PCDH7: variants seen among roughly 807,000 people sequenced by gnomAD.
PCDH7 encodes the protein protocadherin-7.
PCDH7 carries 17 observed loss-of-function variants against 58.9 expected under a neutral mutation model. The ratio of observed to expected loss-of-function variants is 0.29; its 90% CI spans 0.20 to 0.43. The LOEUF (loss-of-function observed/expected upper bound fraction) is 0.43. PCDH7 is among the 20% of genes least tolerant of loss of function. The pLI, the probability that PCDH7 is intolerant of heterozygous loss-of-function variation, is 1.00. For missense variants in PCDH7, 1,274 were observed against 1,441.0 expected (o/e 0.88, Z 1.88); for synonymous variants, 664 against 616.4 (o/e 1.08, Z -1.14).
intron 2 of PCDH7, among the ~76,000 whole-genome samples, chr4:30,928,272 T>C (rs1033040423): frequency 2.0e-5 from 3 of 152,194 alleles, no homozygotes; most frequent in African/African-American, 7.2e-5. Flanking sequence ...TGAGAAACCA[T>C]TTTATCTCAA....
At chr4:30,798,267 TAG>T (rs1464396936) in intron 1 of PCDH7, among the ~76,000 whole-genome samples, 1 of 152,162 alleles carries the variant, frequency 6.6e-6, no homozygotes, top group Non-Finnish European at 1.5e-5. Context: ...CTTGATTTGT[TAG>T]AACAATAACT....
chr4:31,105,026 A>G (rs981645513), intron 3 of PCDH7, among the ~76,000 whole-genome samples: 9 of 152,212 alleles, frequency 5.9e-5, no homozygotes, highest in African/African-American at 2.2e-4. Context: ...TGAACTTAAT[A>G]AAATGGAAAA....
rs775318899 is a variant in PCDH7 at position 30,722,311 on chromosome 4, C to T, written c.889C>T (p.Leu297Phe). 41 of 1,608,884 alleles carry T rather than the reference C, an allele frequency of 2.5e-5. No individual in the cohort carries two copies. The highest frequency in any genetic ancestry group is 3.5e-5 in the Non-Finnish European group (41 of 1,178,580). The change falls in exon 1 of 2, where the codon CTC (leucine) becomes TTC (phenylalanine). Residue 297 changes from leucine (L) to phenylalanine (F), a missense_variant. Around this residue, in one of 3 missense-constraint regions of PCDH7, gnomAD observed 331 missense variants for 303.2 expected, o/e 1.09. Transcript: ENST00000361762. This position sits in a 1 kb window ranked among gnomAD's most constrained non-coding sequence, Gnocchi z 7.6. ...CTCCTCGCAGGCCATCCTACGGGTC[C>T]TCATCACCGACGTGAACGACAACAG...
At chr4:30,911,389 T>G (rs1741744584) in intron 1 of PCDH7, among the ~76,000 whole-genome samples, 1 of 143,638 alleles carries the variant, frequency 7.0e-6, no homozygotes, top group African/African-American at 2.5e-5. Context: ...GTTCTATGGC[T>G]GTTTTTACAC....
intron 1 of PCDH7, among the ~76,000 whole-genome samples, chr4:30,771,351 C>A (rs1721372590): frequency 6.6e-6 from 1 of 152,038 alleles, no homozygotes; most frequent in Admixed American, 6.6e-5. Flanking sequence ...AAACATAAGC[C>A]CTTGCATTCT....
intron 1 of PCDH7, among the ~76,000 whole-genome samples, chr4:30,790,318 A>G (rs1723950619): frequency 6.6e-6 from 1 of 152,188 alleles, no homozygotes; most frequent in Admixed American, 6.5e-5. Flanking sequence ...CATCTTGCAG[A>G]TGAGGAAAAT....
downstream of PCDH7, among the ~76,000 whole-genome samples, chr4:30,736,899 C>A (rs1020285281): frequency 6.6e-6 from 1 of 152,156 alleles, no homozygotes; most frequent in Non-Finnish European, 1.5e-5. Context: ...TCTAGGAAGT[C>A]TGTTCTATCG....
At position 31,097,032 on chromosome 4, in the gene PCDH7, T is replaced by C. The variant is rs79840090; in HGVS notation, c.*8-45441T>C. ...ACACAGAGAGAAAAAGAGAGACTTT[T>C]ATATCACTATTATGTAATTTTGTTT... On this transcript the variant is annotated intron_variant, in intron 3 of 3. Transcript: ENST00000509759. 4.8e-3 allele frequency among the ~76,000 whole-genome samples: 738 copies of C among 152,270 alleles called. 29 individuals are homozygous for C. In the East Asian group the frequency reaches 0.088, roughly 18 times the overall value.
intron 1 of PCDH7, among the ~76,000 whole-genome samples, chr4:30,836,739 T>C (rs1338463339): frequency 6.6e-6 from 1 of 152,110 alleles, no homozygotes; most frequent in East Asian, 1.9e-4. Flanking sequence ...AAAATCTCAC[T>C]CTAGCTGGTT....
At chr4:31,125,010 C>G (rs1467818794) in intron 3 of PCDH7, among the ~76,000 whole-genome samples, 1 of 152,186 alleles carries the variant, frequency 6.6e-6, no homozygotes, top group Non-Finnish European at 1.5e-5. Context: ...TCCAAAACCT[C>G]ATAAATGAGT....
chr4:31,088,191 T>A (rs868403997), intron 3 of PCDH7, among the ~76,000 whole-genome samples: 4 of 152,010 alleles, frequency 2.6e-5, no homozygotes, highest in Admixed American at 6.6e-5. Flanking sequence ...CATAATGAGA[T>A]TATTTGTCTC....
At chr4:30,785,433 G>T (rs146133957) in intron 1 of PCDH7, among the ~76,000 whole-genome samples, 2,488 of 152,040 alleles carry the variant, frequency 0.016, 64 homozygotes, top group African/African-American at 0.055. Context: ...CTTTATGTAA[G>T]TAGCCCAAAT....
At chr4:31,063,755 C>A (rs1489067769) in intron 3 of PCDH7, among the ~76,000 whole-genome samples, 2 of 151,830 alleles carry the variant, frequency 1.3e-5, no homozygotes, top group Non-Finnish European at 2.9e-5. Context: ...GTATAATGGT[C>A]TCTAAGATTG....
At chr4:30,981,174 A>G (rs1366364323) in intron 3 of PCDH7, among the ~76,000 whole-genome samples, 1 of 152,210 alleles carries the variant, frequency 6.6e-6, no homozygotes. Flanking sequence ...AACGTTTAAA[A>G]GAAAAGTAGA....
chr4:30,855,584 C>A (rs1733351382), intron 1 of PCDH7, among the ~76,000 whole-genome samples: 1 of 152,160 alleles, frequency 6.6e-6, no homozygotes, highest in South Asian at 2.1e-4. Context: ...CACATTTACT[C>A]TATTGGCATC....
Position 30,722,659 on chromosome 4 carries a change from C to T in PCDH7, c.1237C>T (p.Pro413Ser), listed in dbSNP as rs1482709746. ...CATCAAAGACGAGAACGACAACGTG[C>T]CGTCCATTGAAATCCGCAAGATTGG... is the stretch of plus-strand genomic sequence containing the variant. Residue 413 changes from proline (P) to serine (S), a missense_variant, in exon 1 of 2, where the codon CCG becomes TCG. By Grantham distance (74) the Pro-to-Ser change is moderately conservative. Around this residue, in one of 3 missense-constraint regions of PCDH7, gnomAD observed 731 missense variants for 881.9 expected, o/e 0.83. Coordinates refer to ENST00000361762, the Ensembl canonical transcript of PCDH7. The surrounding 1 kb of genome is among the most constrained non-coding windows in gnomAD (Gnocchi z 7.6). 1 of 1,613,550 alleles carries T rather than the reference C, an allele frequency of 6.2e-7. No individual in the cohort carries two copies. The highest frequency in any genetic ancestry group is 8.5e-7 in the Non-Finnish European group (1 of 1,180,036).
chr4:31,082,485 A>C (rs1355958024), intron 3 of PCDH7, among the ~76,000 whole-genome samples: 1 of 152,214 alleles, frequency 6.6e-6, no homozygotes, highest in Admixed American at 6.5e-5. Flanking sequence ...TTTTAGATGC[A>C]ATTAAAATCA....
intron 2 of PCDH7, among the ~76,000 whole-genome samples, chr4:30,931,311 C>T (rs1305474412): frequency 1.3e-5 from 2 of 152,080 alleles, no homozygotes; most frequent in Non-Finnish European, 2.9e-5. Flanking sequence ...CATGGCGGCT[C>T]GCACCTGTAA....
intron 1 of PCDH7, among the ~76,000 whole-genome samples, chr4:30,756,332 C>T (rs909826018): frequency 6.6e-5 from 10 of 152,040 alleles, no homozygotes; most frequent in Non-Finnish European, 1.2e-4. Flanking sequence ...CCCAACAGCA[C>T]CACACGGGGG....
Sources: allele counts gnomAD v4.1 joint callset (sites outside exome capture counted in the v4.1 genomes callset), GRCh38; gene constraint gnomAD v4.1.1; regional missense constraint gnomAD v4.1.1; non-coding constraint Gnocchi (gnomAD v3.1); transcripts MANE v1.5; gene names NCBI Gene and HGNC (gene_info 2026-07-23, HGNC 2026-07-21).